The following C12orf54 variants were observed in gnomAD, a reference collection of about 807,000 sequenced individuals.
C12orf54 encodes uncharacterized protein C12orf54.
C12orf54 carries 24 observed loss-of-function variants against 26.4 expected under a neutral mutation model. That is an observed-to-expected ratio of 0.91 (90% confidence interval 0.66 to 1.28). The LOEUF (loss-of-function observed/expected upper bound fraction) is 1.28, where lower values mean the gene tolerates loss of function less well. C12orf54 is among the 50% of genes most tolerant of loss of function. C12orf54 has a pLI of 0.00. For missense variants in C12orf54, 154 were observed against 150.9 expected (o/e 1.02, Z -0.11); for synonymous variants, 54 against 47.0 (o/e 1.15, Z -0.61).
chr12:48,449,828 C>T, the C12orf54 span, among the ~76,000 whole-genome samples: 2 of 149,802 alleles, frequency 1.3e-5, no homozygotes, highest in Non-Finnish European at 2.9e-5. Flanking sequence ...AACTATGTCC[C>T]CACCCAAATC....
chr12:48,420,682 AGTTAAT>A, the C12orf54 span, among the ~76,000 whole-genome samples: 1 of 152,206 alleles, frequency 6.6e-6, no homozygotes, highest in Non-Finnish European at 1.5e-5. Context: ...CTCAGGAATA[AGTTAAT>A]GTGGTGGACG....
At chr12:48,495,042 C>T in intron 8 of C12orf54, 63 bp downstream of exon 8, 1 of 1,316,944 alleles carries the variant, frequency 7.6e-7, no homozygotes, top group Admixed American at 2.0e-5. Context: ...AGTCAGGAAC[C>T]CAGGCCTCTT....
chr12:48,416,545 T>A, the C12orf54 span, among the ~76,000 whole-genome samples: 2 of 152,068 alleles, frequency 1.3e-5, no homozygotes, highest in African/African-American at 4.8e-5. Flanking sequence ...CATTAAGAGG[T>A]GGAGCCTTTA....
chr12:48,443,179 C>A, the C12orf54 span, among the ~76,000 whole-genome samples: 2 of 152,060 alleles, frequency 1.3e-5, no homozygotes, highest in African/African-American at 4.8e-5. Flanking sequence ...CTTTTATGTT[C>A]TTTCTTTAAT....
chr12:48,445,516 A>C, the C12orf54 span, among the ~76,000 whole-genome samples: 1 of 152,146 alleles, frequency 6.6e-6, no homozygotes, highest in Non-Finnish European at 1.5e-5. Flanking sequence ...TTTGAGTCAC[A>C]AAGTGCCCAG....
the C12orf54 span, among the ~76,000 whole-genome samples, chr12:48,446,417 A>G: frequency 6.1e-4 from 93 of 152,280 alleles, 1 homozygote; most frequent in Non-Finnish European, 1.2e-3. Flanking sequence ...ATAATTACAC[A>G]ATCATTTCTC....
the C12orf54 span, among the ~76,000 whole-genome samples, chr12:48,439,223 G>A: frequency 2.0e-5 from 3 of 152,256 alleles, no homozygotes; most frequent in East Asian, 5.8e-4. Flanking sequence ...AGTTAGAATG[G>A]CAATCATTAA....
chr12:48,493,271 A>G (rs997698096), intron 7 of C12orf54, among the ~76,000 whole-genome samples: 3 of 152,190 alleles, frequency 2.0e-5, no homozygotes, highest in Admixed American at 6.5e-5. Flanking sequence ...TCTTAATTCA[A>G]TTGAGGGAAT....
chr12:48,423,072 T>C, the C12orf54 span, among the ~76,000 whole-genome samples: 51 of 152,238 alleles, frequency 3.4e-4, no homozygotes, highest in African/African-American at 1.1e-3. Flanking sequence ...CTGTCAGAGG[T>C]GGCTGTGTAT....
At chr12:48,413,875 G>T in the C12orf54 span, among the ~76,000 whole-genome samples, 5 of 152,054 alleles carry the variant, frequency 3.3e-5, no homozygotes, top group East Asian at 9.6e-4. Context: ...TTGGCATTTA[G>T]CTAGGAAATC....
the C12orf54 span, among the ~76,000 whole-genome samples, chr12:48,460,868 C>T: frequency 4.6e-5 from 7 of 151,806 alleles, 1 homozygote; most frequent in Non-Finnish European, 1.5e-5. Context: ...AAAACAGGAA[C>T]AAGGGAACAA....
At chr12:48,478,652 C>T (rs1298791241), upstream of C12orf54, among the ~76,000 whole-genome samples, 1 of 152,044 alleles carries the variant, frequency 6.6e-6, no homozygotes, top group African/African-American at 2.4e-5. Flanking sequence ...TTCACAATTG[C>T]TTCAAAGAGA....
chr12:48,462,898 C>A, the C12orf54 span, among the ~76,000 whole-genome samples: 4 of 151,656 alleles, frequency 2.6e-5, no homozygotes, highest in Admixed American at 2.6e-4. Context: ...CTAACCAGTA[C>A]AATTAGGACA....
At chr12:48,443,171 T>C in the C12orf54 span, among the ~76,000 whole-genome samples, 1 of 152,314 alleles carries the variant, frequency 6.6e-6, no homozygotes, top group East Asian at 1.9e-4. Flanking sequence ...TCTCTCTACT[T>C]TTATGTTCTT....
the C12orf54 span, among the ~76,000 whole-genome samples, chr12:48,456,158 C>T: frequency 6.6e-6 from 1 of 152,192 alleles, no homozygotes. Context: ...TTTTAAGCAG[C>T]TCAGCCAACA....
the C12orf54 span, among the ~76,000 whole-genome samples, chr12:48,416,902 A>T: frequency 6.6e-6 from 1 of 151,922 alleles, no homozygotes; most frequent in Non-Finnish European, 1.5e-5. Context: ...TACCCTCATG[A>T]ATAGATTAAT....
At chr12:48,486,865 C>A in intron 4 of C12orf54, 139 bp downstream of exon 4, 2 of 823,366 alleles carry the variant, frequency 2.4e-6, no homozygotes, top group Non-Finnish European at 3.9e-6. Context: ...TCCCTCCCAC[C>A]TTGTTCTGTT....
chr12:48,483,337 A>G lies in C12orf54; in HGVS notation c.41A>G (p.Glu14Gly). The G allele has an allele frequency of 6.2e-7, 1 of 1,613,978 alleles. No homozygotes were observed. The highest frequency in any genetic ancestry group is 8.5e-7 in the Non-Finnish European group (1 of 1,179,940). The change falls in exon 2 of 9, where the codon GAA becomes GGA. Residue 14 changes from glutamate to glycine, a missense_variant. By Grantham distance (98) the Glu-to-Gly change is moderately conservative. Coordinates refer to ENST00000548364, the MANE Select transcript of C12orf54 (RefSeq NM_152319.4). ...TGCCAGGATCAGGAACAAAAGGTAG[A>G]AATGACCTCCAAGCAGCAGAGAAGG... ...HPCQDQEQKV[E>G]MTSKQQRSTS...
At chr12:48,492,925 C>T (rs1293921016) in intron 6 of C12orf54, 22 bp from the exon 7 acceptor site, 2 of 1,610,800 alleles carry the variant, frequency 1.2e-6, no homozygotes, top group Admixed American at 1.7e-5. Context: ...AACAGAATGA[C>T]TCTTCTCTGT....
Sources: allele counts gnomAD v4.1 joint callset (sites outside exome capture counted in the v4.1 genomes callset), GRCh38; gene constraint gnomAD v4.1.1; transcripts MANE v1.5; gene names NCBI Gene and HGNC (gene_info 2026-07-23, HGNC 2026-07-21).